CD5: variants seen among roughly 807,000 people sequenced by gnomAD.
CD5 encodes the protein T-cell surface glycoprotein CD5.
Under a neutral mutation model 60.3 loss-of-function variants are expected in CD5, and 36 were observed. The observed-to-expected ratio is 0.60, with a 90% confidence interval of 0.46 to 0.79. The LOEUF (loss-of-function observed/expected upper bound fraction) is 0.79. Among genes scored for constraint, CD5 ranks in the 30% least tolerant of loss-of-function variants. The pLI, the probability that CD5 is intolerant of heterozygous loss-of-function variation, is 0.00. For missense variants in CD5, 540 were observed against 630.6 expected, an observed-to-expected ratio of 0.86 and a Z score of 1.54; for synonymous variants, 230 against 257.6, an observed-to-expected ratio of 0.89 and a Z score of 1.03.
At chr11:61,113,161 T>C (rs1590769384) in intron 1 of CD5, among the ~76,000 whole-genome samples, 1 of 152,254 alleles carries the variant, frequency 6.6e-6, no homozygotes, top group Non-Finnish European at 1.5e-5. Flanking sequence ...AGCAGTCTCC[T>C]TGACCCAGTG....
chr11:61,117,918 G>A (rs1860988274), intron 2 of CD5, among the ~76,000 whole-genome samples: 1 of 152,202 alleles, frequency 6.6e-6, no homozygotes, highest in South Asian at 2.1e-4. Context: ...AGAACACCTT[G>A]CCCATTTATC....
At chr11:61,094,362 A>G in the CD5 span, among the ~76,000 whole-genome samples, 61,567 of 151,816 alleles carry the variant, frequency 0.41, 13,864 homozygotes, top group East Asian at 0.92. Flanking sequence ...GAGTGGAAGC[A>G]TGGCCCAATC....
At chr11:61,109,872 G>A (rs775582794) in intron 1 of CD5, among the ~76,000 whole-genome samples, 63 of 152,202 alleles carry the variant, frequency 4.1e-4, no homozygotes, top group Non-Finnish European at 7.3e-4. Context: ...ATTCTCATCC[G>A]TAGCCCCAGT....
chr11:61,125,238 T>C, intron 9 of CD5, 87 bp downstream of exon 9: 1 of 1,475,554 alleles, frequency 6.8e-7, no homozygotes, highest in Non-Finnish European at 9.4e-7. Context: ...GAAGGTCGGG[T>C]GATGGCCCAA....
In CD5 at chr11:61,125,084, C is replaced by G. The variant is rs781699047; in HGVS notation, c.1332C>G (p.Pro444=). ...TATVRSHAEN[P]TASHVDNEYS... ...CCGTCCGATCCCATGCTGAGAACCC[C>G]ACAGCCTCCCACGTGGATAACGAAT... The change falls in exon 9 of 11, where the codon CCC becomes CCG. Residue 444 remains proline, a synonymous_variant. Transcript: ENST00000347785. 5.6e-6 allele frequency: 9 copies of G among 1,614,062 alleles called. No individual in the cohort carries two copies. Among genetic ancestry groups the G allele is most frequent in the Middle Eastern group, 3.3e-4 (2 of 6,084 alleles).
At chr11:61,094,096 G>A in the CD5 span, among the ~76,000 whole-genome samples, 3 of 151,922 alleles carry the variant, frequency 2.0e-5, no homozygotes, top group South Asian at 2.1e-4. Context: ...ACGGACAGTT[G>A]AGGCAGCCCC....
chr11:61,116,628 CCA>C (rs1249716208), intron 2 of CD5, among the ~76,000 whole-genome samples: 48 of 53,226 alleles, frequency 9.0e-4, no homozygotes, highest in South Asian at 6.8e-4. Context: ...CACACACACA[CCA>C]CACACACCAC....
chr11:61,113,425 C>T (rs550429005), intron 1 of CD5, among the ~76,000 whole-genome samples: 8 of 152,358 alleles, frequency 5.3e-5, no homozygotes, highest in Middle Eastern at 3.4e-3. Context: ...AGAGCTTCCA[C>T]GTGGTCCACA....
intron 1 of CD5, among the ~76,000 whole-genome samples, chr11:61,104,357 T>C (rs1860749063): frequency 6.6e-6 from 1 of 152,212 alleles, no homozygotes; most frequent in Non-Finnish European, 1.5e-5. Flanking sequence ...GAGACAGACC[T>C]CTGGCTGGCT....
intron 9 of CD5, among the ~76,000 whole-genome samples, chr11:61,125,383 G>A (rs1236901298): frequency 6.6e-6 from 1 of 152,218 alleles, no homozygotes; most frequent in African/African-American, 2.4e-5. Context: ...AGAGAAGAAT[G>A]CACTCAGAAA....
At chr11:61,113,584 G>C (rs553485039) in intron 1 of CD5, among the ~76,000 whole-genome samples, 4 of 152,356 alleles carry the variant, frequency 2.6e-5, no homozygotes, top group African/African-American at 9.6e-5. Context: ...TTAAAGATAA[G>C]TGGCTGTCAT....
Position 61,119,140 on chromosome 11 carries a change from G to A in CD5, c.464-94G>A. On this transcript the variant is annotated intron_variant, in intron 4 of 10. Coordinates refer to ENST00000347785, the MANE Select transcript of CD5 (RefSeq NM_014207.4). ...ACCTCCCAAGGCTAAGCGTTAGTCA[G>A]TAGTTGTCCACAAGTTGGGGCCAAA... 3.1e-6 allele frequency: 4 copies of A among 1,279,782 alleles called. No individual in the cohort carries two copies. In the East Asian group the frequency reaches 7.0e-5, roughly 22 times the overall value. The allele number at this position is 1,279,782 out of a possible 1,614,324, so 79.3% of individuals were successfully genotyped here. A position where few individuals can be genotyped will look rare whatever the true frequency, so the allele number is the denominator to read the frequency against.
chr11:61,123,805 A>G, intron 7 of CD5, 79 bp from the exon 8 acceptor site: 2 of 454,794 alleles, frequency 4.4e-6, no homozygotes, highest in East Asian at 4.8e-5. Context: ...TCCCAGGCCC[A>G]GCCCCATCCC....
intron 1 of CD5, among the ~76,000 whole-genome samples, chr11:61,114,480 A>G (rs1261028857): frequency 1.3e-5 from 2 of 152,082 alleles, no homozygotes; most frequent in Non-Finnish European, 1.5e-5. Context: ...ACACACATAC[A>G]TAGTAAAAAA....
At chr11:61,103,491 C>G (rs890136961) in intron 1 of CD5, among the ~76,000 whole-genome samples, 4 of 151,932 alleles carry the variant, frequency 2.6e-5, no homozygotes, top group African/African-American at 9.7e-5. Context: ...CAGGGAGCCT[C>G]AGCAGCCTTC....
intron 5 of CD5, among the ~76,000 whole-genome samples, chr11:61,120,912 T>C (rs1304261786): frequency 6.6e-6 from 1 of 152,202 alleles, no homozygotes; most frequent in Non-Finnish European, 1.5e-5. Flanking sequence ...CTAAATAGAT[T>C]TACTAGGGCT....
At position 61,118,560 on chromosome 11, in the gene CD5, G is replaced by A. The variant is rs941782322; in HGVS notation, c.400+80G>A. On this transcript the variant is annotated intron_variant, in intron 3 of 10. Coordinates refer to ENST00000347785, the MANE Select transcript of CD5 (RefSeq NM_014207.4). The surrounding 1 kb of genome is among the most constrained non-coding windows in gnomAD (Gnocchi z 4.7). ...AGACTGCCCGAGGCCTGTGATCTAG[G>A]GTCTGAGCAGGCTGGTGGAAGGGGT... 11 of 1,419,312 alleles carry A rather than the reference G, an allele frequency of 7.8e-6. No individual in the cohort carries two copies. In the African/African-American group the frequency reaches 1.6e-4, roughly 20 times the overall value. The allele number at this position is 1,419,312 out of a possible 1,614,324, so 87.9% of individuals were successfully genotyped here.
At chr11:61,109,059 C>T (rs1860813404) in intron 1 of CD5, among the ~76,000 whole-genome samples, 2 of 152,168 alleles carry the variant, frequency 1.3e-5, no homozygotes, top group East Asian at 1.9e-4. Flanking sequence ...GTGCAGGTTA[C>T]AAAGCCAGCC....
At chr11:61,122,091 A>T (rs1861069633) in intron 6 of CD5, among the ~76,000 whole-genome samples, 187 bp downstream of exon 6, 1 of 152,214 alleles carries the variant, frequency 6.6e-6, no homozygotes. Context: ...AATGGGCATG[A>T]ACAATAATAG....
Sources: gnomAD v4.1 joint callset for allele counts (sites outside exome capture counted in the v4.1 genomes callset) on GRCh38, gnomAD v4.1.1 for gene constraint, Gnocchi (gnomAD v3.1) non-coding constraint, MANE v1.5 for transcripts, NCBI Gene and HGNC (gene_info 2026-07-23, HGNC 2026-07-21) for gene names.